DNAH11: variants seen among roughly 807,000 people sequenced by gnomAD.
The protein encoded by DNAH11 is dynein axonemal heavy chain 11, also known as axonemal beta dynein heavy chain 11.
A neutral mutation model predicts 526.0 loss-of-function variants in DNAH11; 442 were observed. The observed-to-expected ratio is 0.84, with a 90% CI of 0.78 to 0.91. The LOEUF (loss-of-function observed/expected upper bound fraction) is 0.91, where lower values mean the gene tolerates loss of function less well. Among genes scored for constraint, DNAH11 ranks in the 40% least tolerant of loss-of-function variants. The probability of loss-of-function intolerance (pLI) is 0.00; values close to 1 mark genes in which losing one functional copy is unlikely to be tolerated. For synonymous variants in DNAH11, 2,461 were observed against 1,935.9 expected, an observed-to-expected ratio of 1.27 and a Z score of -7.12; for missense variants, 6,989 against 5,448.7, an observed-to-expected ratio of 1.28 and a Z score of -8.90.
intron 44 of DNAH11, among the ~76,000 whole-genome samples, chr7:21,723,417 A>C (rs1784959439): frequency 6.6e-6 from 1 of 152,138 alleles, no homozygotes; most frequent in South Asian, 2.1e-4. Flanking sequence ...ATTGCAGCCA[A>C]CCTCCAAAAC....
In DNAH11 at chr7:21,543,237, G is replaced by A. The variant is rs1338057340; in HGVS notation, c.-9G>A. ...CAGCCGGCCTCGCGTTCCCTCGGAC[G>A]GTTGCCCAATGGCAGCCCAGGTGGC... On this transcript the variant is annotated 5_prime_UTR_variant, in exon 1 of 82. Coordinates refer to ENST00000409508, the MANE Select transcript of DNAH11 (RefSeq NM_001277115.2). 1 of 1,525,040 alleles carries A rather than the reference G, an allele frequency of 6.6e-7. No individual in the cohort carries two copies. The highest frequency in any genetic ancestry group is 1.2e-5 in the South Asian group (1 of 82,334). 94.5% of individuals were successfully genotyped at this position (1,525,040 alleles called of 1,614,324 possible).
At chr7:21,777,564 C>T (rs942956097) in intron 56 of DNAH11, among the ~76,000 whole-genome samples, 3 of 152,128 alleles carry the variant, frequency 2.0e-5, no homozygotes, top group African/African-American at 4.8e-5. Flanking sequence ...TTTCTCAGCT[C>T]GCTTGCAATA....
chr7:21,895,146 AT>A, intron 79 of DNAH11, 147 bp downstream of exon 79: 1 of 676,548 alleles, frequency 1.5e-6, no homozygotes. Flanking sequence ...CACCAATTTC[AT>A]TTGAGTTTAC....
At chr7:21,605,009 T>C (rs1309525478) in intron 18 of DNAH11, among the ~76,000 whole-genome samples, 1 of 152,214 alleles carries the variant, frequency 6.6e-6, no homozygotes, top group Non-Finnish European at 1.5e-5. Context: ...CCCAACTGTT[T>C]TGATTCCATA....
At chr7:21,862,544 A>G (rs370867339) in intron 69 of DNAH11, among the ~76,000 whole-genome samples, 1 of 152,240 alleles carries the variant, frequency 6.6e-6, no homozygotes, top group Non-Finnish European at 1.5e-5. Flanking sequence ...AAAGATAAGT[A>G]TGTGAGGAGA....
chr7:21,635,529 C>T (rs935766025), intron 25 of DNAH11, among the ~76,000 whole-genome samples: 55 of 152,094 alleles, frequency 3.6e-4, no homozygotes, highest in Admixed American at 1.5e-3. Context: ...AGGGGAAGAG[C>T]AATGAAAGAA....
At chr7:21,554,341 T>C (rs1271845450) in intron 2 of DNAH11, among the ~76,000 whole-genome samples, 1 of 151,918 alleles carries the variant, frequency 6.6e-6, no homozygotes, top group Non-Finnish European at 1.5e-5. Flanking sequence ...GCCCAGCTAA[T>C]TTTTGTATTT....
In DNAH11 at chr7:21,868,787, A is replaced by G. The variant is rs1158012802; in HGVS notation, c.11840-77A>G. The G allele has an allele frequency of 2.5e-6, 4 of 1,581,182 alleles. No homozygotes were observed. The African/African-American group carries it at 4.1e-5, about 16-fold the overall frequency. On this transcript the variant is annotated intron_variant, in intron 72 of 81. Coordinates refer to ENST00000409508, the MANE Select transcript of DNAH11 (RefSeq NM_001277115.2). ...ATGGCTGCGGTGACCACAGATGTGC[A>G]TTAGACCACAGAATTCCAGGCTCCT... is the stretch of plus-strand genomic sequence containing the variant.
chr7:21,696,084 TGGGGTTTTATTTA>T (rs1294720763), intron 35 of DNAH11, among the ~76,000 whole-genome samples: 2 of 152,164 alleles, frequency 1.3e-5, no homozygotes, highest in Admixed American at 6.5e-5. Flanking sequence ...AGTTTTATTT[TGGGGTTTTATTTA>T]GGGTGCTCAA....
chr7:21,876,130 C>A (rs140196052), intron 74 of DNAH11, among the ~76,000 whole-genome samples: 1 of 151,954 alleles, frequency 6.6e-6, no homozygotes, highest in Non-Finnish European at 1.5e-5. Flanking sequence ...GTGATCTGCC[C>A]GCCTCGGCAT....
intron 30 of DNAH11, among the ~76,000 whole-genome samples, chr7:21,678,920 T>C (rs1353634499): frequency 1.3e-5 from 2 of 152,152 alleles, no homozygotes; most frequent in East Asian, 1.9e-4. Context: ...TGACAAGATA[T>C]GTGCACTCCC....
At chr7:21,789,789 CTTTCTTTCTTTCTTTCTTT>C (rs1282929842) in intron 61 of DNAH11, among the ~76,000 whole-genome samples, 12 of 92,524 alleles carry the variant, frequency 1.3e-4, no homozygotes, top group Admixed American at 4.1e-4. Flanking sequence ...TTCTTTCTTT[CTTTCTTTCTTTCTTTCTTT>C]TTTCTTTCTT....
chr7:21,677,131 A>G lies in DNAH11; in HGVS notation c.5329-4415A>G, dbSNP rs558803372. ...TTAAACATTTAACTACTTTTTAAAG[A>G]TGCAATGTATTAAAAGTACAGGTGT... On this transcript the variant is annotated intron_variant, in intron 30 of 81. Transcript: ENST00000409508. Among the ~76,000 whole-genome samples, 7 of 152,116 alleles carry G rather than the reference A, an allele frequency of 4.6e-5. No individual in the cohort carries two copies. The South Asian group carries it at 1.5e-3, about 32-fold the overall frequency.
Position 21,563,715 on chromosome 7 carries a change from C to T in DNAH11, c.983-471C>T, listed in dbSNP as rs116587542. On this transcript the variant is annotated intron_variant, in intron 5 of 81. Transcript: ENST00000409508. ...CCTTTATTAATGATATAATTTTTCTCAATCATTGCATGAGTTACTGTCATA... is the reference window on the plus strand; with the variant it reads ...CCTTTATTAATGATATAATTTTTCTTAATCATTGCATGAGTTACTGTCATA... Among the ~76,000 whole-genome samples the T allele has an allele frequency of 4.7e-3, 712 of 152,240 alleles. 3 individuals carry two copies. Among genetic ancestry groups the T allele is most frequent in the Middle Eastern group, 0.024 (7 of 294 alleles).
At chr7:21,572,958 C>G (rs1014588779) in intron 8 of DNAH11, among the ~76,000 whole-genome samples, 1 of 152,176 alleles carries the variant, frequency 6.6e-6, no homozygotes, top group Non-Finnish European at 1.5e-5. Context: ...TAAATACGTA[C>G]AGAATGGGAT....
intron 6 of DNAH11, 119 bp from the exon 7 acceptor site, chr7:21,569,950 G>T: frequency 1.3e-6 from 1 of 753,604 alleles, no homozygotes; most frequent in Non-Finnish European, 2.1e-6. Flanking sequence ...CTTTCTTTCA[G>T]CATTGCTGGC....
At chr7:21,746,846 A>G (rs1404122962) in intron 51 of DNAH11, among the ~76,000 whole-genome samples, 1 of 152,150 alleles carries the variant, frequency 6.6e-6, no homozygotes, top group Non-Finnish European at 1.5e-5. Context: ...TAAATCAACT[A>G]TTAGTAATGC....
chr7:21,713,212 A>G (rs148355879), intron 42 of DNAH11, among the ~76,000 whole-genome samples: 107 of 152,276 alleles, frequency 7.0e-4, no homozygotes, highest in Non-Finnish European at 9.1e-4. Flanking sequence ...TGTGCCTGGC[A>G]TGCTTCTTAC....
At position 21,606,491 on chromosome 7, in the gene DNAH11, T is replaced by G. The variant is rs780975797; in HGVS notation, c.3714T>G (p.Pro1238=). The G allele has an allele frequency of 1.2e-5, 19 of 1,611,326 alleles. No homozygotes were observed. Among genetic ancestry groups the G allele is most frequent in the Non-Finnish European group, 1.3e-5 (15 of 1,179,352 alleles). Residue 1238 remains proline, a synonymous_variant, in exon 19 of 82, where the codon CCT becomes CCG. Coordinates refer to ENST00000409508, the MANE Select transcript of DNAH11 (RefSeq NM_001277115.2). ...IAATVRHEVS[P]LHNAEVTLIR... ...CAACTGTCAGACATGAAGTCTCACC[T>G]CTCCATAATGCGGAAGTCACTCTTA...
Sources: gnomAD v4.1 joint callset for allele counts (sites outside exome capture counted in the v4.1 genomes callset) on GRCh38, gnomAD v4.1.1 for gene constraint, MANE v1.5 for transcripts, NCBI Gene and HGNC (gene_info 2026-07-23, HGNC 2026-07-21) for gene names.